Variants in TEN1 observed in about 807,000 individuals in gnomAD.
The protein encoded by TEN1 is CST complex subunit TEN1.
TEN1 carries 6 observed loss-of-function variants against 9.3 expected under a neutral mutation model. The observed-to-expected ratio is 0.65, with a 90% CI of 0.35 to 1.27. The LOEUF is 1.27. Among genes scored for constraint, TEN1 ranks in the 50% most tolerant of loss-of-function variants. The pLI, the probability that TEN1 is intolerant of heterozygous loss-of-function variation, is 0.03. For synonymous variants in TEN1, 65 were observed against 65.6 expected (o/e 0.99, Z 0.04); for missense variants, 149 against 158.2 (o/e 0.94, Z 0.31).
In TEN1 at chr17:76,000,432, C is replaced by CAATGAGAACCCAGA; in HGVS notation, c.*173_*186dup. ...TTCCCCTACTTTGGGATTGGCTCAG[C>CAATGAGAACCCAGA]AATGAGAACCCAGAAAGCATGCCAT... On this transcript the variant is annotated 3_prime_UTR_variant, in exon 4 of 4. Coordinates refer to ENST00000397640, the MANE Select transcript of TEN1 (RefSeq NM_001113324.3). The surrounding 1 kb of genome is among the most constrained non-coding windows in gnomAD (Gnocchi z 5.9). The CAATGAGAACCCAGA allele has an allele frequency of 1.0e-6, 1 of 994,560 alleles. No homozygotes were observed. The highest frequency in any genetic ancestry group is 1.4e-6 in the Non-Finnish European group (1 of 705,022). 61.6% of individuals were successfully genotyped at this position (994,560 alleles called of 1,614,324 possible).
intron 2 of TEN1, among the ~76,000 whole-genome samples, chr17:75,988,580 A>G (rs931023949): frequency 6.7e-5 from 10 of 148,610 alleles, no homozygotes; most frequent in Non-Finnish European, 9.0e-5. Context: ...AAAAAAAAAA[A>G]AAAAAAAGAA....
chr17:75,985,846 TA>T (rs1370812018), intron 1 of TEN1, among the ~76,000 whole-genome samples: 1 of 150,854 alleles, frequency 6.6e-6, no homozygotes, highest in African/African-American at 2.4e-5. Context: ...CTTTTTTTTT[TA>T]ATACATGAAT....
chr17:75,987,534 A>C (rs1034806503), intron 2 of TEN1, among the ~76,000 whole-genome samples: 2 of 152,228 alleles, frequency 1.3e-5, no homozygotes, highest in Admixed American at 1.3e-4. Flanking sequence ...AGCCTTACTC[A>C]GCATCGTAGG....
At position 76,000,264 on chromosome 17, in the gene TEN1, A is replaced by G; in HGVS notation, c.*2A>G. Reference sequence around the variant, plus strand: ...CAGGAGCGGGGCGGCAGCCAGTAGGAAACAGCAGCCTAGCAACACCCTCAC... The same window carrying G: ...CAGGAGCGGGGCGGCAGCCAGTAGGGAACAGCAGCCTAGCAACACCCTCAC... On this transcript the variant is annotated 3_prime_UTR_variant, in exon 4 of 4. Transcript: ENST00000397640. This position sits in a 1 kb window ranked among gnomAD's most constrained non-coding sequence, Gnocchi z 5.9. The G allele has an allele frequency of 6.4e-7, 1 of 1,550,932 alleles. No homozygotes were observed.
rs577821801 is a variant in TEN1 at position 76,000,506 on chromosome 17, G to A, written c.*244G>A. 1.4e-5 allele frequency: 8 copies of A among 558,270 alleles called. No individual in the cohort carries two copies. The highest frequency in any genetic ancestry group is 3.8e-5 in the African/African-American group (2 of 52,588). The allele number at this position is 558,270 out of a possible 1,614,324, so 34.6% of individuals were successfully genotyped here. ...AGACTGCAGGTGGCCGAGCTTGGGC[G>A]CCGGGGCCGTGCTTGGTGTGGGGCC... On this transcript the variant is annotated 3_prime_UTR_variant, in exon 4 of 4. Transcript: ENST00000397640. This position sits in a 1 kb window ranked among gnomAD's most constrained non-coding sequence, Gnocchi z 5.9.
rs576081681 is a variant in TEN1, at chr17:75,997,658, T to C, written c.251-2483T>C. Among the ~76,000 whole-genome samples, 12 of 152,178 alleles carry C rather than the reference T, an allele frequency of 7.9e-5. No homozygotes were observed. The South Asian group carries it at 2.5e-3, about 32-fold the overall frequency. ...TCAAGCCTCCTCTATATGGAAATAATAGTCTCAATGACAAGAAGTCATCTT... is the reference window on the plus strand; with the variant it reads ...TCAAGCCTCCTCTATATGGAAATAACAGTCTCAATGACAAGAAGTCATCTT... On this transcript the variant is annotated intron_variant, in intron 3 of 3. Coordinates refer to ENST00000397640, the MANE Select transcript of TEN1 (RefSeq NM_001113324.3).
At chr17:75,992,442 G>C (rs190170172) in intron 3 of TEN1, among the ~76,000 whole-genome samples, 1 of 151,946 alleles carries the variant, frequency 6.6e-6, no homozygotes, top group African/African-American at 2.4e-5. Flanking sequence ...TTGGGATGAG[G>C]GATCTGCGTG....
At chr17:75,987,531 C>T (rs1003930456) in intron 2 of TEN1, among the ~76,000 whole-genome samples, 1 of 152,190 alleles carries the variant, frequency 6.6e-6, no homozygotes, top group Non-Finnish European at 1.5e-5. Context: ...GTCAGCCTTA[C>T]TCAGCATCGT....
At position 76,000,303 on chromosome 17, in the gene TEN1, C is replaced by G; in HGVS notation, c.*41C>G. 1 of 1,538,038 alleles carries G rather than the reference C, an allele frequency of 6.5e-7. No individual in the cohort carries two copies. Among genetic ancestry groups the G allele is most frequent in the South Asian group, 1.2e-5 (1 of 82,638 alleles). On this transcript the variant is annotated 3_prime_UTR_variant, in exon 4 of 4. Coordinates refer to ENST00000397640, the MANE Select transcript of TEN1 (RefSeq NM_001113324.3). This position sits in a 1 kb window ranked among gnomAD's most constrained non-coding sequence, Gnocchi z 5.9. ...CAACACCCTCACCTGCTTCAGAGCCCGAACCCTCTGGAGCTGCAGGAGCCC... is the reference window on the plus strand; with the variant it reads ...CAACACCCTCACCTGCTTCAGAGCCGGAACCCTCTGGAGCTGCAGGAGCCC...
intron 2 of TEN1, among the ~76,000 whole-genome samples, chr17:75,987,916 CAA>C (rs34957837): frequency 0.056 from 2,868 of 51,084 alleles, 32 homozygotes; most frequent in East Asian, 0.19. Context: ...GACTCCATCT[CAA>C]AAAAAAAAAA....
At chr17:75,992,267 G>C (rs1222937081) in intron 3 of TEN1, among the ~76,000 whole-genome samples, 1 of 151,228 alleles carries the variant, frequency 6.6e-6, no homozygotes, top group Admixed American at 6.6e-5. Flanking sequence ...ATCTCTCTCT[G>C]TTACCCAGGC....
chr17:75,979,765 CTT>C (rs1434747428), intron 1 of TEN1, among the ~76,000 whole-genome samples: 1 of 151,926 alleles, frequency 6.6e-6, no homozygotes, highest in Admixed American at 6.6e-5. Context: ...GAACCAGTCT[CTT>C]TGGGGAGAGG....
At chr17:75,988,618 A>G (rs1000672697) in intron 2 of TEN1, among the ~76,000 whole-genome samples, 1 of 151,402 alleles carries the variant, frequency 6.6e-6, no homozygotes, top group Non-Finnish European at 1.5e-5. Flanking sequence ...ATTTTAACCT[A>G]GATGAGATCC....
rs549470682 is a variant in TEN1, at chr17:75,986,040, A to C, written c.-6-147A>C. On this transcript the variant is annotated intron_variant, in intron 1 of 3. Coordinates refer to ENST00000397640, the MANE Select transcript of TEN1 (RefSeq NM_001113324.3). ...ATCTCCTAATGCTATCCCTCCCCCC[A>C]AAAAATTTTTTTTTTAATTTTAAAA... is the stretch of plus-strand genomic sequence containing the variant. The C allele has an allele frequency of 6.0e-4, 358 of 591,984 alleles. 3 individuals are homozygous for C. The highest frequency in any genetic ancestry group is 5.9e-3 in the African/African-American group (312 of 52,560). The allele number at this position is 591,984 out of a possible 1,614,324, so 36.7% of individuals were successfully genotyped here.
intron 2 of TEN1, among the ~76,000 whole-genome samples, chr17:75,987,452 A>C (rs2066158639): frequency 6.6e-6 from 1 of 152,230 alleles, no homozygotes; most frequent in Non-Finnish European, 1.5e-5. Flanking sequence ...TGAAAACCAC[A>C]GTGTCTTTCA....
intron 1 of TEN1, among the ~76,000 whole-genome samples, chr17:75,985,953 A>G (rs1023620135): frequency 2.6e-4 from 39 of 151,684 alleles, no homozygotes; most frequent in African/African-American, 9.2e-4. Flanking sequence ...GGTTTGTTAC[A>G]TATGTATACA....
chr17:75,999,496 C>T (rs1045561085), intron 3 of TEN1, among the ~76,000 whole-genome samples: 7 of 152,050 alleles, frequency 4.6e-5, no homozygotes, highest in Non-Finnish European at 5.9e-5. Context: ...GCATGCACCA[C>T]TACACGCGGC....
chr17:75,985,263 A>G (rs745309259), intron 1 of TEN1, among the ~76,000 whole-genome samples: 1 of 152,128 alleles, frequency 6.6e-6, no homozygotes, highest in Non-Finnish European at 1.5e-5. Context: ...CTCCTGCCTC[A>G]GCCTCCTAAG....
chr17:75,991,274 T>G (rs924649433), intron 2 of TEN1, among the ~76,000 whole-genome samples, 192 bp from the exon 3 acceptor site: 1 of 151,572 alleles, frequency 6.6e-6, no homozygotes, highest in Non-Finnish European at 1.5e-5. Context: ...GAGATGAAAA[T>G]TAAAAGGAAT....
Sources: allele counts gnomAD v4.1 joint callset (sites outside exome capture counted in the v4.1 genomes callset), GRCh38; gene constraint gnomAD v4.1.1; non-coding constraint Gnocchi (gnomAD v3.1); transcripts MANE v1.5; gene names NCBI Gene and HGNC (gene_info 2026-07-23, HGNC 2026-07-21).